The following INSR variants were observed in gnomAD, a reference collection of about 807,000 sequenced individuals.
INSR encodes IR.
INSR carries 67 observed loss-of-function variants against 142.6 expected under a neutral mutation model. That is an observed-to-expected ratio of 0.47 (90% CI 0.39 to 0.58). INSR has a LOEUF of 0.58. Ranked by LOEUF, INSR falls within the 20% of genes least tolerant of loss-of-function variation. INSR has a pLI of 0.00. For synonymous variants in INSR, 756 were observed against 743.1 expected, an observed-to-expected ratio of 1.02 and a Z score of -0.28; for missense variants, 1,248 against 1,833.2, an observed-to-expected ratio of 0.68 and a Z score of 5.83.
chr19:7,193,540 A>C (rs1974657367), intron 2 of INSR, among the ~76,000 whole-genome samples: 1 of 151,604 alleles, frequency 6.6e-6, no homozygotes, highest in African/African-American at 2.4e-5. Flanking sequence ...AATTAGGGGC[A>C]GGAGGGGGGA....
rs200394154 is a variant in INSR at position 7,184,330 on chromosome 19, C to T, written c.960G>A (p.Thr320=). 2.0e-5 allele frequency: 33 copies of T among 1,613,746 alleles called. No homozygotes were observed. In the Admixed American group the frequency reaches 2.5e-4, roughly 12 times the overall value. Residue 320 remains threonine, a synonymous_variant, in exon 3 of 22, where the codon ACG becomes ACA. Coordinates refer to ENST00000302850, the MANE Select transcript of INSR (RefSeq NM_000208.4). The part of the protein sequence containing the change: ...KCIPECPSGY[T]MNSSNLLCTP... ...CCAGAACTCACTTGCTGGAATTCATCGTGTACCCGGAGGGACACTCAGGGA... is the reference window on the plus strand; with the variant it reads ...CCAGAACTCACTTGCTGGAATTCATTGTGTACCCGGAGGGACACTCAGGGA...
At chr19:7,276,920 A>G (rs1238502412) in intron 1 of INSR, among the ~76,000 whole-genome samples, 1 of 152,006 alleles carries the variant, frequency 6.6e-6, no homozygotes, top group East Asian at 1.9e-4. Context: ...TAGTAGAGAC[A>G]GGGTTTTGCC....
intron 1 of INSR, chr19:7,268,721 GC>G (rs1219516189): frequency 2.5e-5 from 11 of 444,366 alleles, no homozygotes; most frequent in African/African-American, 4.3e-5. Context: ...ACTAATGTCA[GC>G]TATTTTGTTG....
intron 1 of INSR, among the ~76,000 whole-genome samples, chr19:7,276,252 C>A (rs943177402): frequency 1.3e-5 from 2 of 151,612 alleles, no homozygotes; most frequent in African/African-American, 4.9e-5. Context: ...CTCAAGTGAT[C>A]CTCCTGCCTC....
At chr19:7,124,870 C>T (rs78214634) in intron 17 of INSR, among the ~76,000 whole-genome samples, 381 of 151,226 alleles carry the variant, frequency 2.5e-3, no homozygotes, top group African/African-American at 8.9e-3. Context: ...CAGGTGGTAT[C>T]AGGTGGACCT....
In INSR at chr19:7,199,560, C is replaced by CTTTTTTTT. The variant is rs3084138; in HGVS notation, c.653-14931_653-14924dup. On this transcript the variant is annotated intron_variant, in intron 2 of 21. Transcript: ENST00000302850. ...CTACAGGAGAGTGCCACTGCGACAGCTTTTTTTTTTTTTTTTTTTTTTGAG... is the reference window on the plus strand; with the variant it reads ...CTACAGGAGAGTGCCACTGCGACAGCTTTTTTTTTTTTTTTTTTTTTTTTTTTTTTGAG... 3.8e-4 allele frequency among the ~76,000 whole-genome samples: 30 copies of CTTTTTTTT among 78,690 alleles called. 1 individual carries two copies. Among genetic ancestry groups the CTTTTTTTT allele is most frequent in the Admixed American group, 5.2e-4 (3 of 5,720 alleles). 51.6% of individuals were successfully genotyped at this position (78,690 alleles called of 152,430 possible).
chr19:7,219,544 G>T (rs1975545002), intron 2 of INSR, among the ~76,000 whole-genome samples: 1 of 126,860 alleles, frequency 7.9e-6, no homozygotes, highest in Non-Finnish European at 1.7e-5. Flanking sequence ...AAGGGAGGGA[G>T]GGAGGGAAGG....
chr19:7,163,925 T>TAAAAAAAAAAAAAAAAA (rs748862314), intron 8 of INSR, among the ~76,000 whole-genome samples: 13 of 44,592 alleles, frequency 2.9e-4, no homozygotes, highest in East Asian at 2.0e-3. Flanking sequence ...CTATCTCTAC[T>TAAAAAAAAAAAAAAAAA]AAAAAAAAAA....
At chr19:7,260,522 G>A (rs1330758881) in intron 2 of INSR, among the ~76,000 whole-genome samples, 5 of 152,280 alleles carry the variant, frequency 3.3e-5, no homozygotes, top group African/African-American at 9.6e-5. Flanking sequence ...GGCTGGAGGT[G>A]TGGCACCCAT....
At chr19:7,239,532 C>T (rs1032697228) in intron 2 of INSR, among the ~76,000 whole-genome samples, 6 of 152,048 alleles carry the variant, frequency 3.9e-5, no homozygotes, top group Admixed American at 1.3e-4. Context: ...GGAGACCATT[C>T]GGGGAGTATA....
intron 2 of INSR, among the ~76,000 whole-genome samples, chr19:7,203,752 C>T (rs558283962): frequency 1.4e-4 from 21 of 152,216 alleles, no homozygotes; most frequent in Non-Finnish European, 2.5e-4. Flanking sequence ...GCAGAGGCAC[C>T]GTGAAACAGA....
chr19:7,142,928 G>A lies in INSR; in HGVS notation c.2430C>T (p.Ser810=), dbSNP rs146246872. 66 of 1,614,148 alleles carry A rather than the reference G, an allele frequency of 4.1e-5. No individual in the cohort carries two copies. The highest frequency in any genetic ancestry group is 2.3e-4 in the South Asian group (21 of 91,088). The change falls in exon 12 of 22, where the codon TCC becomes TCT. Residue 810 remains serine (S), a synonymous_variant. Transcript: ENST00000302850. Reference sequence around the variant, plus strand: ...GATAGCCCGTGAAGTGTCGCAAGCCGGAGATGACCAGCGACTCCTTGTTCA... The same window carrying A: ...GATAGCCCGTGAAGTGTCGCAAGCCAGAGATGACCAGCGACTCCTTGTTCA... The part of the protein sequence containing the change: ...KVVNKESLVI[S]GLRHFTGYRI...
intron 1 of INSR, among the ~76,000 whole-genome samples, chr19:7,270,894 AC>A (rs1179165483): frequency 6.6e-6 from 1 of 152,022 alleles, no homozygotes; most frequent in African/African-American, 2.4e-5. Context: ...CTCCGTCTCT[AC>A]TAAAAAATAC....
At chr19:7,288,100 C>G (rs1334409862) in intron 1 of INSR, among the ~76,000 whole-genome samples, 1 of 151,862 alleles carries the variant, frequency 6.6e-6, no homozygotes, top group Non-Finnish European at 1.5e-5. Context: ...TTCCTCATGC[C>G]TATAATCCCA....
intron 1 of INSR, among the ~76,000 whole-genome samples, chr19:7,288,655 T>C (rs1256234597): frequency 1.4e-5 from 1 of 71,994 alleles, no homozygotes; most frequent in East Asian, 2.8e-4. Context: ...GAAATAAAAA[T>C]TGGAAAAAAA....
At position 7,225,087 on chromosome 19, in the gene INSR, C is replaced by T. The variant is rs1975739279; in HGVS notation, c.653-40450G>A. ...GGTTGTGGCCACATGCTGTGTAACA[C>T]TTAGAGTTTCCTATGCACCCAGCAC... On this transcript the variant is annotated intron_variant, in intron 2 of 21. Coordinates refer to ENST00000302850, the MANE Select transcript of INSR (RefSeq NM_000208.4). This position sits in a 1 kb window ranked among gnomAD's most constrained non-coding sequence, Gnocchi z 4.7. 6.6e-6 allele frequency among the ~76,000 whole-genome samples: 1 copy of T among 152,094 alleles called. No individual in the cohort carries two copies. Among genetic ancestry groups the T allele is most frequent in the Admixed American group, 6.6e-5 (1 of 15,260 alleles).
At chr19:7,272,079 C>A (rs780213009) in intron 1 of INSR, among the ~76,000 whole-genome samples, 1 of 151,908 alleles carries the variant, frequency 6.6e-6, no homozygotes, top group Non-Finnish European at 1.5e-5. Context: ...CCGAGGTGGG[C>A]GGATCACGAG....
intron 10 of INSR, chr19:7,152,469 G>T: frequency 1.9e-6 from 1 of 534,594 alleles, no homozygotes; most frequent in South Asian, 2.0e-5. Context: ...ACCAGCTCAG[G>T]AGAGGTAAGA....
intron 2 of INSR, among the ~76,000 whole-genome samples, chr19:7,196,255 G>A (rs57829325): frequency 0.018 from 2,746 of 152,154 alleles, 86 homozygotes; most frequent in African/African-American, 0.057. Flanking sequence ...CTTGTTCTTA[G>A]GAAATATCCA....
Sources: gnomAD v4.1 joint callset for allele counts (sites outside exome capture counted in the v4.1 genomes callset) on GRCh38, gnomAD v4.1.1 for gene constraint, Gnocchi (gnomAD v3.1) non-coding constraint, MANE v1.5 for transcripts, NCBI Gene and HGNC (gene_info 2026-07-23, HGNC 2026-07-21) for gene names.